MYOCD: variants seen among roughly 807,000 people sequenced by gnomAD.
MYOCD encodes the protein myocardin.
In MYOCD, 32 loss-of-function variants were observed where a neutral mutation model predicts 96.1. The ratio of observed to expected loss-of-function variants is 0.33; its 90% CI spans 0.25 to 0.45. The LOEUF is 0.45. Ranked by LOEUF, MYOCD falls within the 20% of genes least tolerant of loss-of-function variation. The pLI is 1.00. For synonymous variants in MYOCD, 469 were observed against 469.0 expected, an observed-to-expected ratio of 1.00 and a Z score of 0.00; for missense variants, 1,133 against 1,200.6, an observed-to-expected ratio of 0.94 and a Z score of 0.83.
intron 10 of MYOCD, among the ~76,000 whole-genome samples, chr17:12,756,111 A>G (rs539639890): frequency 3.3e-5 from 5 of 152,302 alleles, no homozygotes; most frequent in Non-Finnish European, 5.9e-5. Context: ...CCGGAGGTCC[A>G]TGGCGGGAAT....
rs371873193 is a variant in MYOCD, at chr17:12,736,155, C to T, written c.416-6C>T. On this transcript the variant is annotated splice_region_variant and splice_polypyrimidine_tract_variant and intron_variant, in intron 5 of 13. Transcript: ENST00000425538. The stretch of plus-strand genomic sequence containing the variant: ...CTGACCAAGTTCCTGGATTTCACCC[C>T]CTCAGGTAACCAGGTGAGTTTCTCC... 1.9e-6 allele frequency: 3 copies of T among 1,613,584 alleles called. No homozygotes were observed. Among genetic ancestry groups the T allele is most frequent in the African/African-American group, 1.3e-5 (1 of 74,904 alleles).
intron 1 of MYOCD, among the ~76,000 whole-genome samples, chr17:12,672,685 C>G (rs1217646510): frequency 6.6e-6 from 1 of 152,150 alleles, no homozygotes; most frequent in Non-Finnish European, 1.5e-5. Flanking sequence ...TGGGGTACTT[C>G]TCTTATGAGT....
At chr17:12,690,882 A>T (rs771514684) in intron 1 of MYOCD, among the ~76,000 whole-genome samples, 1 of 152,200 alleles carries the variant, frequency 6.6e-6, no homozygotes, top group Admixed American at 6.5e-5. Flanking sequence ...GTCAAAAGCA[A>T]TAGCTATTTA....
At chr17:12,696,861 C>G (rs2030775918) in intron 1 of MYOCD, among the ~76,000 whole-genome samples, 1 of 152,158 alleles carries the variant, frequency 6.6e-6, no homozygotes. Context: ...AGAGAAAACA[C>G]ATGTCACTGA....
At chr17:12,706,080 T>C (rs147831748) in intron 2 of MYOCD, 43 of 152,374 alleles carry the variant, frequency 2.8e-4, no homozygotes, top group African/African-American at 8.2e-4. Context: ...TGAAGCGCTA[T>C]GACCCATGGC....
intron 7 of MYOCD, among the ~76,000 whole-genome samples, chr17:12,740,415 CAT>C (rs1238062553): frequency 6.6e-6 from 1 of 152,200 alleles, no homozygotes; most frequent in East Asian, 1.9e-4. Context: ...AGTGAGAACA[CAT>C]GATACTTGGT....
chr17:12,737,522 A>G (rs1048633579), intron 6 of MYOCD, among the ~76,000 whole-genome samples: 1 of 152,106 alleles, frequency 6.6e-6, no homozygotes, highest in Non-Finnish European at 1.5e-5. Context: ...TGGAGCCCTT[A>G]AGAGAGATGC....
chr17:12,723,770 A>G (rs1286141939), intron 5 of MYOCD, among the ~76,000 whole-genome samples: 1 of 152,200 alleles, frequency 6.6e-6, no homozygotes, highest in Admixed American at 6.5e-5. Context: ...TTCTCCAGCT[A>G]TGCCGCAATC....
chr17:12,672,407 A>G lies in MYOCD; in HGVS notation c.55+6164A>G, dbSNP rs142167911. On this transcript the variant is annotated intron_variant, in intron 1 of 13. Transcript: ENST00000425538. ...TAGTACTTTGAATTTCTATTTTATTAGGCAGATAATGCTTATATGTTTCAG... is the reference window on the plus strand; with the variant it reads ...TAGTACTTTGAATTTCTATTTTATTGGGCAGATAATGCTTATATGTTTCAG... Among the ~76,000 whole-genome samples, 246 of 152,266 alleles carry G rather than the reference A, an allele frequency of 1.6e-3. 2 individuals are homozygous for G. Among genetic ancestry groups the G allele is most frequent in the African/African-American group, 5.3e-3 (221 of 41,580 alleles).
chr17:12,719,152 G>A (rs1303557382), intron 4 of MYOCD, among the ~76,000 whole-genome samples: 1 of 126,966 alleles, frequency 7.9e-6, no homozygotes, highest in Admixed American at 9.5e-5. Context: ...TCCAGCCGGG[G>A]CCACAGAGGG....
chr17:12,734,369 C>G (rs1284763882), intron 5 of MYOCD, among the ~76,000 whole-genome samples: 12 of 152,070 alleles, frequency 7.9e-5, no homozygotes, highest in Non-Finnish European at 2.9e-5. Context: ...GTGAATGGCA[C>G]TGGCCCGGGG....
intron 1 of MYOCD, among the ~76,000 whole-genome samples, chr17:12,685,367 G>A (rs1231413614): frequency 6.6e-6 from 1 of 152,078 alleles, no homozygotes; most frequent in Non-Finnish European, 1.5e-5. Flanking sequence ...CAATTTGGGA[G>A]GCCAAGGCAG....
chr17:12,717,711 T>C (rs2031692907), intron 4 of MYOCD, among the ~76,000 whole-genome samples: 1 of 152,196 alleles, frequency 6.6e-6, no homozygotes, highest in African/African-American at 2.4e-5. Context: ...ATGGAACACG[T>C]CCAACATGTG....
intron 1 of MYOCD, among the ~76,000 whole-genome samples, chr17:12,676,261 A>G (rs1420188354): frequency 7.7e-5 from 9 of 117,562 alleles, no homozygotes; most frequent in Non-Finnish European, 1.1e-4. Flanking sequence ...ACACACACAC[A>G]CACACACACA....
chr17:12,686,946 G>C (rs2030152961), intron 1 of MYOCD, among the ~76,000 whole-genome samples: 1 of 152,172 alleles, frequency 6.6e-6, no homozygotes, highest in Non-Finnish European at 1.5e-5. Context: ...TGGTGTAATG[G>C]CACTGTAATC....
rs551932982 is a variant in MYOCD at position 12,721,408 on chromosome 17, A to G, written c.254-1439A>G. 2.6e-5 allele frequency among the ~76,000 whole-genome samples: 4 copies of G among 152,320 alleles called. No homozygotes were observed. In the South Asian group the frequency reaches 8.3e-4, roughly 32 times the overall value. ...TGAAGGGTTTGTCCTTGTAACTGCT[A>G]GAGGCAGTCAAAGCGAAAGAGATCT... On this transcript the variant is annotated intron_variant, in intron 4 of 13. Transcript: ENST00000425538.
rs576118302 is a variant in MYOCD at position 12,665,957 on chromosome 17, G to A, written c.-232G>A. The A allele has an allele frequency of 9.1e-5, 48 of 527,194 alleles. No individual in the cohort carries two copies. Among genetic ancestry groups the A allele is most frequent in the African/African-American group, 8.6e-4 (45 of 52,030 alleles). 32.7% of individuals were successfully genotyped at this position (527,194 alleles called of 1,614,324 possible). A position where few individuals can be genotyped will look rare whatever the true frequency, so the allele number is the denominator to read the frequency against. ...GCCGCGCTGCTCCTGGCCAACCTCC[G>A]AGGAGGAGGAGGGTCCCGCCGGCTA... On this transcript the variant is annotated 5_prime_UTR_variant, in exon 1 of 14. Coordinates refer to ENST00000425538, the MANE Select transcript of MYOCD (RefSeq NM_001146312.3). The surrounding 1 kb of genome is among the most constrained non-coding windows in gnomAD (Gnocchi z 4.2).
intron 1 of MYOCD, among the ~76,000 whole-genome samples, chr17:12,690,614 A>G (rs1269834435): frequency 2.0e-5 from 3 of 152,198 alleles, no homozygotes; most frequent in Non-Finnish European, 2.9e-5. Context: ...TTTTGCATGT[A>G]GCATATTTGC....
At position 12,736,290 on chromosome 17, in the gene MYOCD, C is replaced by T. The variant is rs1437239210; in HGVS notation, c.545C>T (p.Ala182Val). The part of the protein sequence containing the change: ...PQNSAGSPPD[A>V]KASDTPSTGS... Reference sequence around the variant, plus strand: ...AACTCAGCGGGATCCCCGCCAGACGCTAAAGCCTCAGATACCCCTTCGACA... The same window carrying T: ...AACTCAGCGGGATCCCCGCCAGACGTTAAAGCCTCAGATACCCCTTCGACA... The change falls in exon 6 of 14, where the codon GCT (alanine) becomes GTT (valine). Residue 182 changes from alanine (A) to valine (V), a missense_variant. Transcript: ENST00000425538. 1.9e-6 allele frequency: 3 copies of T among 1,614,196 alleles called. No individual in the cohort carries two copies. Among genetic ancestry groups the T allele is most frequent in the Non-Finnish European group, 2.5e-6 (3 of 1,180,038 alleles).
Sources: gnomAD v4.1 joint callset for allele counts (sites outside exome capture counted in the v4.1 genomes callset) on GRCh38, gnomAD v4.1.1 for gene constraint, Gnocchi (gnomAD v3.1) non-coding constraint, MANE v1.5 for transcripts, NCBI Gene and HGNC (gene_info 2026-07-23, HGNC 2026-07-21) for gene names.